Variants in NOS1 observed in about 807,000 individuals in gnomAD.
NOS1 encodes nitric oxide synthase 1.
In NOS1, 51 loss-of-function variants were observed where a neutral mutation model predicts 164.5. That is an observed-to-expected ratio of 0.31 (90% CI 0.25 to 0.39). The LOEUF (loss-of-function observed/expected upper bound fraction) is 0.39, where lower values mean the gene tolerates loss of function less well. Ranked by LOEUF, NOS1 falls within the 10% of genes least tolerant of loss-of-function variation. The pLI, the probability that NOS1 is intolerant of heterozygous loss-of-function variation, is 1.00. For synonymous variants in NOS1, 719 were observed against 745.8 expected (o/e 0.96, Z 0.59); for missense variants, 1,362 against 1,885.6 (o/e 0.72, Z 5.14).
At chr12:117,302,930 G>C (rs952019763) in intron 3 of NOS1, among the ~76,000 whole-genome samples, 3 of 152,056 alleles carry the variant, frequency 2.0e-5, no homozygotes, top group Admixed American at 2.0e-4. Context: ...ATTTTTAGTA[G>C]AGACAGGGTT....
At chr12:117,239,241 C>A (rs1869972138) in intron 20 of NOS1, among the ~76,000 whole-genome samples, 1 of 152,222 alleles carries the variant, frequency 6.6e-6, no homozygotes, top group Non-Finnish European at 1.5e-5. Flanking sequence ...TAATGTCTGC[C>A]ATTCTCCCAG....
At chr12:117,264,085 T>G in intron 12 of NOS1, 111 bp from the exon 13 acceptor site, 2 of 534,430 alleles carry the variant, frequency 3.7e-6, no homozygotes, top group Admixed American at 2.5e-5. Flanking sequence ...CCTCGGCCTC[T>G]GAAGGGAAGA....
rs1176915466 is a variant in NOS1 at position 117,259,021 on chromosome 12, C to T, written c.2472+5G>A. The T allele has an allele frequency of 6.2e-7, 1 of 1,604,702 alleles. No individual in the cohort carries two copies. Among genetic ancestry groups the T allele is most frequent in the South Asian group, 1.1e-5 (1 of 90,854 alleles). ...CACTCTTGAACAGGTAAAAGCTCAT[C>T]TCACCTCCCCATTCTCAGGGGGATC... On this transcript the variant is annotated splice_donor_5th_base_variant and intron_variant, in intron 15 of 28. Coordinates refer to ENST00000317775, the MANE Select transcript of NOS1 (RefSeq NM_000620.5).
chr12:117,264,133 C>T (rs1056275604), intron 12 of NOS1, among the ~76,000 whole-genome samples, 159 bp from the exon 13 acceptor site: 27 of 9,806 alleles, frequency 2.8e-3, no homozygotes, highest in African/African-American at 3.8e-3. Flanking sequence ...GGAAGGGATG[C>T]GGGGTTGGGG....
rs181635471 is a variant in NOS1 at position 117,246,870 on chromosome 12, T to C, written c.2823+478A>G. Reference sequence around the variant, plus strand: ...TGATGTACCACATTTTATTTACCCATTCATCCTACTGAATTTTAATTAGTT... The same window carrying C: ...TGATGTACCACATTTTATTTACCCACTCATCCTACTGAATTTTAATTAGTT... On this transcript the variant is annotated intron_variant, in intron 18 of 28. Coordinates refer to ENST00000317775, the MANE Select transcript of NOS1 (RefSeq NM_000620.5). 7.7e-4 allele frequency among the ~76,000 whole-genome samples: 117 copies of C among 152,306 alleles called. 1 individual carries two copies. Among genetic ancestry groups the C allele is most frequent in the Non-Finnish European group, 1.4e-3 (93 of 68,026 alleles).
At position 117,212,209 on chromosome 12, in the gene NOS1, A is replaced by G; in HGVS notation, c.*3100T>C. On this transcript the variant is annotated 3_prime_UTR_variant, in exon 29 of 29. Coordinates refer to ENST00000317775, the MANE Select transcript of NOS1 (RefSeq NM_000620.5). The stretch of plus-strand genomic sequence containing the variant: ...ATTAAAATGCAGTAAGTTTTGAACC[A>G]GGTACTGTAACTGGGCATTTCGTGG... The G allele has an allele frequency of 1.0e-5, 10 of 985,438 alleles. No homozygotes were observed. Among genetic ancestry groups the G allele is most frequent in the Non-Finnish European group, 1.1e-5 (9 of 829,914 alleles). 61.0% of individuals were successfully genotyped at this position (985,438 alleles called of 1,614,324 possible). A position where few individuals can be genotyped will look rare whatever the true frequency, so the allele number is the denominator to read the frequency against.
At chr12:117,281,072 G>A (rs1205285881) in intron 7 of NOS1, among the ~76,000 whole-genome samples, 2 of 152,294 alleles carry the variant, frequency 1.3e-5, no homozygotes, top group Admixed American at 1.3e-4. Flanking sequence ...TGAGGAAAAC[G>A]GTGGAGGGGG....
chr12:117,237,134 T>C (rs946249883), intron 20 of NOS1, among the ~76,000 whole-genome samples: 4 of 152,144 alleles, frequency 2.6e-5, no homozygotes, highest in South Asian at 2.1e-4. Context: ...GCTTTGTAAG[T>C]AGAGAATTTT....
chr12:117,281,975 A>T (rs1417061513), intron 7 of NOS1, among the ~76,000 whole-genome samples: 1 of 152,170 alleles, frequency 6.6e-6, no homozygotes, highest in East Asian at 1.9e-4. Flanking sequence ...ATCAGCTTGC[A>T]TTTGTATTCA....
At chr12:117,342,360 C>T (rs893781581) in intron 1 of NOS1, among the ~76,000 whole-genome samples, 145 of 152,006 alleles carry the variant, frequency 9.5e-4, no homozygotes, top group Non-Finnish European at 3.1e-4. Context: ...AGAACAAAAG[C>T]GAAAATACAG....
chr12:117,276,826 C>T (rs1302499533), intron 9 of NOS1, among the ~76,000 whole-genome samples: 5 of 152,096 alleles, frequency 3.3e-5, no homozygotes, highest in East Asian at 1.9e-4. Context: ...TTCTTTTTTG[C>T]AGCTGTATAG....
chr12:117,295,577 C>T (rs1411243607), intron 3 of NOS1, among the ~76,000 whole-genome samples: 1 of 150,810 alleles, frequency 6.6e-6, no homozygotes, highest in Non-Finnish European at 1.5e-5. Flanking sequence ...ACTGCGTTTG[C>T]TCAAATGCCG....
chr12:117,313,013 C>T (rs962933208), intron 2 of NOS1, among the ~76,000 whole-genome samples: 3 of 152,076 alleles, frequency 2.0e-5, no homozygotes, highest in African/African-American at 7.2e-5. Flanking sequence ...CCATAATCAC[C>T]ATCACCATCA....
intron 2 of NOS1, among the ~76,000 whole-genome samples, chr12:117,316,495 C>T (rs889833098): frequency 5.3e-5 from 8 of 152,190 alleles, no homozygotes; most frequent in East Asian, 1.9e-4. Context: ...TCAGCCTTGA[C>T]GGCCCACTTC....
At chr12:117,306,590 G>GA (rs1008250721) in intron 3 of NOS1, among the ~76,000 whole-genome samples, 1 of 146,840 alleles carries the variant, frequency 6.8e-6, no homozygotes, top group African/African-American at 2.5e-5. Context: ...TCCTCAGCAA[G>GA]AAAAAAAAGC....
chr12:117,225,251 G>T lies in NOS1; in HGVS notation c.3705-114C>A, dbSNP rs1868562593. ...CGGTAGACATACAATGAGACTTAAG[G>T]CTCTTCAGCCGGGGCCAGGTGCCCC... is the stretch of plus-strand genomic sequence containing the variant. On this transcript the variant is annotated intron_variant, in intron 24 of 28. Transcript: ENST00000317775. The T allele has an allele frequency of 3.6e-6, 5 of 1,386,536 alleles. No individual in the cohort carries two copies. The South Asian group carries it at 7.1e-5, about 20-fold the overall frequency. The allele number at this position is 1,386,536 out of a possible 1,614,324, so 85.9% of individuals were successfully genotyped here.
chr12:117,215,507 G>A (rs990303940), intron 28 of NOS1, among the ~76,000 whole-genome samples, 183 bp from the exon 29 acceptor site: 3 of 151,114 alleles, frequency 2.0e-5, no homozygotes, highest in Non-Finnish European at 4.4e-5. Flanking sequence ...CACGATCCCA[G>A]CTCACTGCAA....
At chr12:117,264,680 C>T (rs1289369084) in intron 12 of NOS1, among the ~76,000 whole-genome samples, 3 of 142,122 alleles carry the variant, frequency 2.1e-5, no homozygotes, top group African/African-American at 5.3e-5. Flanking sequence ...CTCTCCCCCT[C>T]TTCATCCTCC....
chr12:117,254,930 A>C (rs1461601366), intron 16 of NOS1, among the ~76,000 whole-genome samples: 1 of 152,204 alleles, frequency 6.6e-6, no homozygotes, highest in African/African-American at 2.4e-5. Context: ...ATTTCAAGTA[A>C]ATATGAACAA....
Sources: allele counts gnomAD v4.1 joint callset (sites outside exome capture counted in the v4.1 genomes callset), GRCh38; gene constraint gnomAD v4.1.1; transcripts MANE v1.5; gene names NCBI Gene and HGNC (gene_info 2026-07-23, HGNC 2026-07-21).